The following FAM20C variants were observed in gnomAD, a reference collection of about 807,000 sequenced individuals.
FAM20C encodes FAM20C golgi associated secretory pathway kinase, also known as extracellular serine/threonine protein kinase FAM20C.
FAM20C carries 40 observed loss-of-function variants against 51.5 expected under a neutral mutation model. That is an observed-to-expected ratio of 0.78 (90% CI 0.60 to 1.01). FAM20C has a LOEUF of 1.01. Ranked by LOEUF, FAM20C falls within the 50% of genes least tolerant of loss-of-function variation. The probability of loss-of-function intolerance (pLI) is 0.00; values close to 1 mark genes in which losing one functional copy is unlikely to be tolerated. For synonymous variants in FAM20C, 406 were observed against 380.6 expected (o/e 1.07, Z -0.78); for missense variants, 861 against 844.7 (o/e 1.02, Z -0.24).
chr7:248,058 G>C (rs1198581227), intron 4 of FAM20C, among the ~76,000 whole-genome samples: 3 of 152,214 alleles, frequency 2.0e-5, no homozygotes, highest in African/African-American at 7.2e-5. Flanking sequence ...TAGCTATGCA[G>C]GCAGTTGGTG....
At chr7:209,569 A>C (rs898683970) in intron 3 of FAM20C, among the ~76,000 whole-genome samples, 4 of 152,146 alleles carry the variant, frequency 2.6e-5, no homozygotes, top group Admixed American at 2.0e-4. Context: ...AGTCACCAAA[A>C]CCGATAACAC....
chr7:231,285 G>A (rs1233695857), intron 3 of FAM20C, among the ~76,000 whole-genome samples: 1 of 152,202 alleles, frequency 6.6e-6, no homozygotes, highest in Non-Finnish European at 1.5e-5. Context: ...GGGAGCCCGG[G>A]GTGGCCGGGG....
At chr7:194,195 C>T (rs967974851) in intron 1 of FAM20C, 9 of 204,426 alleles carry the variant, frequency 4.4e-5, no homozygotes, top group African/African-American at 1.8e-4. Flanking sequence ...TGGGTGGGCA[C>T]CTTGGAGAAG....
chr7:193,718 G>A lies in FAM20C; in HGVS notation c.519G>A (p.Ala173=), dbSNP rs572411891. 4 of 1,546,890 alleles carry A rather than the reference G, an allele frequency of 2.6e-6. No individual in the cohort carries two copies. Among genetic ancestry groups the A allele is most frequent in the Admixed American group, 3.9e-5 (2 of 50,864 alleles). Residue 173 remains alanine (A), a synonymous_variant, in exon 1 of 10, where the codon GCG becomes GCA. Transcript: ENST00000313766. Reference sequence around the variant, plus strand: ...TCGAGCACCCGCTTTACCGGGTGGCGGTTCCGCCGCTCACGGAGGAGGACG... The same window carrying A: ...TCGAGCACCCGCTTTACCGGGTGGCAGTTCCGCCGCTCACGGAGGAGGACG... ...RLFEHPLYRV[A]VPPLTEEDVL... is the part of the protein sequence containing the mutation.
chr7:233,948 G>T (rs1044189174), intron 3 of FAM20C, among the ~76,000 whole-genome samples: 2 of 152,194 alleles, frequency 1.3e-5, no homozygotes, highest in Non-Finnish European at 2.9e-5. Context: ...GCCAGCTCTG[G>T]GGGGAGGGAG....
At chr7:236,275 C>T (rs982430656) in intron 3 of FAM20C, among the ~76,000 whole-genome samples, 5 of 152,218 alleles carry the variant, frequency 3.3e-5, no homozygotes, top group African/African-American at 9.6e-5. Flanking sequence ...CCGCCGAGGA[C>T]GCCCCTCTCC....
In FAM20C at chr7:193,053, G is replaced by T; in HGVS notation, c.-147G>T. The T allele has an allele frequency of 1.9e-6, 1 of 526,166 alleles. No homozygotes were observed. The highest frequency in any genetic ancestry group is 2.1e-5 in the African/African-American group (1 of 48,596). 32.6% of individuals were successfully genotyped at this position (526,166 alleles called of 1,614,324 possible). A position where few individuals can be genotyped will look rare whatever the true frequency, so the allele number is the denominator to read the frequency against. Reference sequence around the variant, plus strand: ...TCCGGCGGCGGGCGCCCTGCACGCGGCCCGGGCCCGGGGACAGCCCCGGAG... The same window carrying T: ...TCCGGCGGCGGGCGCCCTGCACGCGTCCCGGGCCCGGGGACAGCCCCGGAG... On this transcript the variant is annotated 5_prime_UTR_variant, in exon 1 of 10. Coordinates refer to ENST00000313766, the MANE Select transcript of FAM20C (RefSeq NM_020223.4).
At chr7:236,766 C>A (rs920619954) in intron 3 of FAM20C, among the ~76,000 whole-genome samples, 4 of 144,276 alleles carry the variant, frequency 2.8e-5, no homozygotes, top group African/African-American at 7.9e-5. Flanking sequence ...GGGTTTCATG[C>A]GGAGGTGAGG....
intron 1 of FAM20C, among the ~76,000 whole-genome samples, chr7:195,039 A>G (rs1006245500): frequency 1.3e-5 from 2 of 152,144 alleles, no homozygotes; most frequent in Non-Finnish European, 2.9e-5. Context: ...CATTAAAATC[A>G]AATTTAGCCT....
intron 3 of FAM20C, among the ~76,000 whole-genome samples, chr7:223,286 C>T (rs564602506): frequency 3.3e-5 from 5 of 152,282 alleles, no homozygotes; most frequent in South Asian, 2.1e-4. Context: ...GTTGTCAGAT[C>T]GTCCGCTGGG....
At chr7:254,027 C>A (rs1788501623) in intron 5 of FAM20C, among the ~76,000 whole-genome samples, 1 of 152,016 alleles carries the variant, frequency 6.6e-6, no homozygotes, top group Non-Finnish European at 1.5e-5. Flanking sequence ...ATCGTTCGTT[C>A]TTACAATAAT....
chr7:247,383 C>T (rs142796820), intron 4 of FAM20C, among the ~76,000 whole-genome samples: 2,609 of 152,246 alleles, frequency 0.017, 83 homozygotes, highest in African/African-American at 0.06. Flanking sequence ...GCCCCCAGAG[C>T]CTCCCTGCCT....
At chr7:233,539 G>A (rs946974883) in intron 3 of FAM20C, among the ~76,000 whole-genome samples, 5 of 152,156 alleles carry the variant, frequency 3.3e-5, no homozygotes, top group South Asian at 2.1e-4. Context: ...GAGCTCCCCC[G>A]GGAGGCTCAG....
At position 193,005 on chromosome 7, in the gene FAM20C, G is replaced by A. The variant is rs1470795018; in HGVS notation, c.-195G>A. 6 of 239,170 alleles carry A rather than the reference G, an allele frequency of 2.5e-5. No individual in the cohort carries two copies. Among genetic ancestry groups the A allele is most frequent in the Non-Finnish European group, 4.5e-5 (6 of 134,294 alleles). 14.8% of individuals were successfully genotyped at this position (239,170 alleles called of 1,614,324 possible). ...GGAGAGGCCGAGCGGGGACGGGCCC[G>A]AGATGGCGCGGGGACCCAGCGCTCC... is the stretch of plus-strand genomic sequence containing the variant. On this transcript the variant is annotated 5_prime_UTR_variant, in exon 1 of 10. Transcript: ENST00000313766.
rs1239831432 is a variant in FAM20C at position 193,588 on chromosome 7, G to A, written c.389G>A (p.Arg130Lys). 13 of 1,528,418 alleles carry A rather than the reference G, an allele frequency of 8.5e-6. No homozygotes were observed. Among genetic ancestry groups the A allele is most frequent in the Non-Finnish European group, 8.8e-7 (1 of 1,137,884 alleles). 94.7% of individuals were successfully genotyped at this position (1,528,418 alleles called of 1,614,324 possible). A position where few individuals can be genotyped will look rare whatever the true frequency, so the allele number is the denominator to read the frequency against. ...CGGGGGCGGGATCCCGGCGCCCTAAGACCCCACGACCCCGCGCACCGGCCG... is the reference window on the plus strand; with the variant it reads ...CGGGGGCGGGATCCCGGCGCCCTAAAACCCCACGACCCCGCGCACCGGCCG... ...ALRGRDPGAL[R>K]PHDPAHRPLL... is the part of the protein sequence containing the mutation. The change falls in exon 1 of 10, where the codon AGA becomes AAA. Residue 130 changes from arginine (R) to lysine (K), a missense_variant. Arg to Lys is a conservative substitution (Grantham distance 26). This residue lies in a region of FAM20C where 561 missense variants were observed against 499.8 expected (regional missense o/e 1.12). Transcript: ENST00000313766.
intron 3 of FAM20C, among the ~76,000 whole-genome samples, chr7:236,592 C>T (rs1176577365): frequency 1.3e-5 from 2 of 152,220 alleles, no homozygotes; most frequent in African/African-American, 4.8e-5. Flanking sequence ...AGGCCTAGGG[C>T]CACCCAGCAA....
Position 209,336 on chromosome 7 carries a change from G to A in FAM20C, c.863+360G>A, listed in dbSNP as rs746365856. 5.9e-5 allele frequency among the ~76,000 whole-genome samples: 9 copies of A among 152,306 alleles called. No homozygotes were observed. In the South Asian group the frequency reaches 8.3e-4, roughly 14 times the overall value. On this transcript the variant is annotated intron_variant, in intron 3 of 9. Transcript: ENST00000313766. Reference sequence around the variant, plus strand: ...CCTTCCCAGCAGGCCTCCGGAGCCCGCACACCTTTGCTACAAAGGGCCGGA... The same window carrying A: ...CCTTCCCAGCAGGCCTCCGGAGCCCACACACCTTTGCTACAAAGGGCCGGA...
intron 2 of FAM20C, among the ~76,000 whole-genome samples, chr7:208,620 C>T (rs1786556924): frequency 6.9e-6 from 1 of 144,988 alleles, no homozygotes; most frequent in Non-Finnish European, 1.5e-5. Flanking sequence ...ACGTGTGTGT[C>T]CAGGTAAGCA....
chr7:228,115 G>C (rs549828598), intron 3 of FAM20C: 1 of 265,414 alleles, frequency 3.8e-6, no homozygotes, highest in African/African-American at 2.2e-5. Context: ...GGGGGACGGC[G>C]GGCTCAGTCA....
Sources: gnomAD v4.1 joint callset for allele counts (sites outside exome capture counted in the v4.1 genomes callset) on GRCh38, gnomAD v4.1.1 for gene constraint, gnomAD v4.1.1 regional missense constraint, MANE v1.5 for transcripts, NCBI Gene and HGNC (gene_info 2026-07-23, HGNC 2026-07-21) for gene names.